PPP4R4: variants seen among roughly 807,000 people sequenced by gnomAD.
The protein encoded by PPP4R4 is protein phosphatase 4 regulatory subunit 4.
PPP4R4 carries 70 observed loss-of-function variants against 121.8 expected under a neutral mutation model. The observed-to-expected ratio is 0.57, with a 90% CI of 0.47 to 0.70. PPP4R4 has a LOEUF of 0.70. Ranked by LOEUF, PPP4R4 falls within the 30% of genes least tolerant of loss-of-function variation. The pLI, the probability that PPP4R4 is intolerant of heterozygous loss-of-function variation, is 0.00. For missense variants in PPP4R4, 875 were observed against 1,033.6 expected (o/e 0.85, Z 2.10); for synonymous variants, 348 against 355.7 (o/e 0.98, Z 0.24).
chr14:94,250,245 A>G lies in PPP4R4; in HGVS notation c.1685A>G (p.Gln562Arg). Residue 562 changes from glutamine (Q) to arginine (R), a missense_variant, in exon 15 of 25, where the codon CAG (glutamine) becomes CGG (arginine). Coordinates refer to ENST00000304338, the MANE Select transcript of PPP4R4 (RefSeq NM_058237.2). ...IFLRYNRKQE[Q>R]RHEVIQKLIE... ...CTGCGTTATAATCGTAAACAAGAAC[A>G]GAGACATGAGGTCATTCAAAAATTA... 1 of 1,610,810 alleles carries G rather than the reference A, an allele frequency of 6.2e-7. No individual in the cohort carries two copies. Among genetic ancestry groups the G allele is most frequent in the Non-Finnish European group, 8.5e-7 (1 of 1,177,486 alleles).
At chr14:94,222,308 A>G (rs752502595) in intron 3 of PPP4R4, among the ~76,000 whole-genome samples, 2 of 151,914 alleles carry the variant, frequency 1.3e-5, no homozygotes, top group African/African-American at 4.8e-5. Context: ...TGGAAGTTAC[A>G]GACTCTTTTA....
chr14:94,239,135 A>G (rs1175110617), intron 8 of PPP4R4, among the ~76,000 whole-genome samples: 1 of 148,480 alleles, frequency 6.7e-6, no homozygotes, highest in Non-Finnish European at 1.5e-5. Context: ...CTTCTCTCAT[A>G]CTTTTTCTTT....
At chr14:94,201,702 G>T (rs903076877) in intron 2 of PPP4R4, among the ~76,000 whole-genome samples, 1 of 152,062 alleles carries the variant, frequency 6.6e-6, no homozygotes, top group South Asian at 2.1e-4. Flanking sequence ...TTAAGTTTAT[G>T]TGAGTCCTTA....
intron 3 of PPP4R4, among the ~76,000 whole-genome samples, chr14:94,218,735 T>TGCGC (rs1555354534): frequency 3.6e-5 from 2 of 56,180 alleles, no homozygotes; most frequent in Non-Finnish European, 7.2e-5. Context: ...ACACCGCACG[T>TGCGC]GCGCGCGCGC....
chr14:94,186,905 T>G (rs1432206866), intron 2 of PPP4R4, among the ~76,000 whole-genome samples: 1 of 152,230 alleles, frequency 6.6e-6, no homozygotes, highest in Non-Finnish European at 1.5e-5. Context: ...AAATATATAA[T>G]TTTTTACTAG....
intron 16 of PPP4R4, among the ~76,000 whole-genome samples, chr14:94,252,617 T>G (rs912852039): frequency 4.6e-5 from 7 of 152,170 alleles, no homozygotes; most frequent in African/African-American, 1.7e-4. Flanking sequence ...TTTGTACATT[T>G]GATAATAGAA....
chr14:94,269,511 T>C (rs1304267148), intron 23 of PPP4R4, among the ~76,000 whole-genome samples: 1 of 150,756 alleles, frequency 6.6e-6, no homozygotes, highest in Non-Finnish European at 1.5e-5. Flanking sequence ...CTGTCTCTAC[T>C]AAAAATAAAA....
chr14:94,261,276 T>G (rs1172262935), intron 19 of PPP4R4, among the ~76,000 whole-genome samples: 1 of 152,194 alleles, frequency 6.6e-6, no homozygotes. Flanking sequence ...GGCCTTTGCA[T>G]TTTGATATGA....
At chr14:94,237,014 T>C (rs1035848664) in intron 7 of PPP4R4, among the ~76,000 whole-genome samples, 1 of 152,136 alleles carries the variant, frequency 6.6e-6, no homozygotes, top group Non-Finnish European at 1.5e-5. Context: ...ATACAAACTA[T>C]TTGTGATTGT....
chr14:94,179,011 ATCTT>A (rs1340419241), intron 2 of PPP4R4, among the ~76,000 whole-genome samples: 1 of 152,216 alleles, frequency 6.6e-6, no homozygotes, highest in Admixed American at 6.5e-5. Flanking sequence ...AGGTGACTCT[ATCTT>A]AGCTGTGCAA....
chr14:94,248,551 A>T (rs960142807), intron 14 of PPP4R4, among the ~76,000 whole-genome samples: 1 of 152,206 alleles, frequency 6.6e-6, no homozygotes, highest in East Asian at 1.9e-4. Flanking sequence ...GAATTAAAAA[A>T]ATTATTTTAA....
At chr14:94,266,793 A>G (rs1275506188) in intron 22 of PPP4R4, among the ~76,000 whole-genome samples, 166 bp from the exon 23 acceptor site, 1 of 152,188 alleles carries the variant, frequency 6.6e-6, no homozygotes, top group African/African-American at 2.4e-5. Context: ...TAGACGAAGT[A>G]AGTGTTGTGA....
chr14:94,235,388 CTTTTTTTTTTTTT>C (rs34881107), intron 7 of PPP4R4, among the ~76,000 whole-genome samples: 9 of 50,806 alleles, frequency 1.8e-4, no homozygotes, highest in South Asian at 1.6e-3. Context: ...TCTCCTTGTT[CTTTTTTTTTTTTT>C]TTTTTTTTTT....
intron 2 of PPP4R4, among the ~76,000 whole-genome samples, chr14:94,204,629 G>A (rs2139439964): frequency 6.6e-6 from 1 of 152,176 alleles, no homozygotes; most frequent in East Asian, 1.9e-4. Context: ...AATCTTGTTG[G>A]TATTTTGATA....
chr14:94,258,968 C>T, intron 18 of PPP4R4, 144 bp downstream of exon 18: 3 of 812,026 alleles, frequency 3.7e-6, no homozygotes, highest in Non-Finnish European at 5.8e-6. Context: ...ACAATCGTGA[C>T]AGAAGGCAAG....
chr14:94,274,024 C>T (rs1211761888), intron 23 of PPP4R4, among the ~76,000 whole-genome samples: 1 of 152,072 alleles, frequency 6.6e-6, no homozygotes, highest in Non-Finnish European at 1.5e-5. Flanking sequence ...TTCTAGTCTC[C>T]AGTGACAAGT....
At chr14:94,227,371 A>T (rs1389831093) in intron 3 of PPP4R4, 14 of 1,610,720 alleles carry the variant, frequency 8.7e-6, no homozygotes, top group Non-Finnish European at 1.2e-5. Flanking sequence ...GGAGGAGAAC[A>T]CTTACTGGTA....
chr14:94,241,449 A>C (rs1368075658), intron 9 of PPP4R4, among the ~76,000 whole-genome samples: 2 of 152,246 alleles, frequency 1.3e-5, no homozygotes, highest in South Asian at 2.1e-4. Flanking sequence ...AACATTTACT[A>C]TAATAGCAGA....
chr14:94,210,714 G>C (rs954180444), intron 3 of PPP4R4, among the ~76,000 whole-genome samples: 1 of 152,136 alleles, frequency 6.6e-6, no homozygotes, highest in African/African-American at 2.4e-5. Context: ...GTATAATAGA[G>C]TATTGTGTGC....
Sources: allele counts gnomAD v4.1 joint callset (sites outside exome capture counted in the v4.1 genomes callset), GRCh38; gene constraint gnomAD v4.1.1; transcripts MANE v1.5; gene names NCBI Gene and HGNC (gene_info 2026-07-23, HGNC 2026-07-21).